MUC4: variants seen among roughly 807,000 people sequenced by gnomAD.
MUC4 encodes mucin 4, cell surface associated.
Under a neutral mutation model 257.9 loss-of-function variants are expected in MUC4, and 202 were observed. That is an observed-to-expected ratio of 0.78 (90% CI 0.70 to 0.88). The LOEUF is 0.88. Among genes scored for constraint, MUC4 ranks in the 40% least tolerant of loss-of-function variants. The probability of loss-of-function intolerance (pLI) is 0.00; values close to 1 mark genes in which losing one functional copy is unlikely to be tolerated. For synonymous variants in MUC4, 2,351 were observed against 2,757.1 expected (o/e 0.85, Z 4.62); for missense variants, 5,976 against 6,513.7 (o/e 0.92, Z 2.84).
At chr3:195,809,075 C>T (rs112223396) in intron 1 of MUC4, among the ~76,000 whole-genome samples, 8 of 152,200 alleles carry the variant, frequency 5.3e-5, no homozygotes, top group Admixed American at 2.6e-4. Context: ...GGAACCAGGA[C>T]GGCCAGGCTT....
chr3:195,789,033 G>C lies in MUC4; in HGVS notation c.2547C>G (p.Ser849=), dbSNP rs373248779. 6.2e-7 allele frequency: 1 copy of C among 1,613,836 alleles called. No homozygotes were observed. Among genetic ancestry groups the C allele is most frequent in the African/African-American group, 1.3e-5 (1 of 75,000 alleles). ...HTTQSTTELL[S]ASASHGAIPV... ...GGATGGCACCATGACTGGCTGAGGC[G>C]GACAGCAATTCGGTTGTTGACTGGG... Residue 849 remains serine (S), a synonymous_variant, in exon 2 of 25, where the codon TCC becomes TCG. Coordinates refer to ENST00000463781, the MANE Select transcript of MUC4 (RefSeq NM_018406.7).
At chr3:195,759,059 A>G in intron 17 of MUC4, 65 bp downstream of exon 17, 3 of 1,581,878 alleles carry the variant, frequency 1.9e-6, no homozygotes, top group Non-Finnish European at 2.6e-6. Context: ...GAATTTCCCA[A>G]ATTTGACTCT....
intron 7 of MUC4, 88 bp downstream of exon 7, chr3:195,768,934 C>A: frequency 3.3e-6 from 5 of 1,498,664 alleles, no homozygotes; most frequent in Non-Finnish European, 4.5e-6. Context: ...TCCCGCCTTG[C>A]CCCAGGATGG....
chr3:195,768,665 A>T (rs1722140357), intron 7 of MUC4, among the ~76,000 whole-genome samples: 1 of 152,230 alleles, frequency 6.6e-6, no homozygotes, highest in African/African-American at 2.4e-5. Context: ...TGTGATCATG[A>T]CATGCAGTAA....
At position 195,780,692 on chromosome 3, in the gene MUC4, C is replaced by A. The variant is rs1553871880; in HGVS notation, c.10888G>T (p.Ala3630Ser). 1 of 1,506,414 alleles carries A rather than the reference C, an allele frequency of 6.6e-7. No homozygotes were observed. The highest frequency in any genetic ancestry group is 2.1e-5 in the African/African-American group (1 of 47,576). 93.3% of individuals were successfully genotyped at this position (1,506,414 alleles called of 1,614,324 possible). A position where few individuals can be genotyped will look rare whatever the true frequency, so the allele number is the denominator to read the frequency against. Residue 3630 changes from alanine (A) to serine (S), a missense_variant, in exon 2 of 25, where the codon GCC (alanine) becomes TCC (serine). Ala to Ser is a moderately conservative substitution (Grantham distance 99). Coordinates refer to ENST00000463781, the MANE Select transcript of MUC4 (RefSeq NM_018406.7). ...TDTSSASTGQ[A>S]TPLPVTSLSS... Reference sequence around the variant, plus strand: ...AGGCTGGTGACAGGAAGAGGGGTGGCCTGACCTGTGGATGCTGAGGAAGTG... The same window carrying A: ...AGGCTGGTGACAGGAAGAGGGGTGGACTGACCTGTGGATGCTGAGGAAGTG...
Position 195,783,235 on chromosome 3 carries a change from G to T in MUC4, c.8345C>A (p.Ala2782Asp). ...TNTSSVSTGH[A>D]TPLHVTSPSS... ...AGGGCTGGTGACATGAAGAGGGGTG[G>T]CGTGACCTGTGGATACTGAGGAAGT... Residue 2782 changes from alanine to aspartate, a missense_variant, in exon 2 of 25, where the codon GCC becomes GAC. Around this residue, in one of 44 missense-constraint regions of MUC4, gnomAD observed 228 missense variants for 206.3 expected, o/e 1.11. Coordinates refer to ENST00000463781, the MANE Select transcript of MUC4 (RefSeq NM_018406.7). The T allele has an allele frequency of 1.5e-6, 2 of 1,362,962 alleles. No homozygotes were observed. The highest frequency in any genetic ancestry group is 1.6e-5 in the African/African-American group (1 of 63,088). 84.4% of individuals were successfully genotyped at this position (1,362,962 alleles called of 1,614,324 possible).
chr3:195,749,217 G>T (rs560746162), intron 23 of MUC4, among the ~76,000 whole-genome samples, 153 bp from the exon 24 acceptor site: 6 of 152,272 alleles, frequency 3.9e-5, no homozygotes, highest in Non-Finnish European at 8.8e-5. Context: ...GATCAGCATG[G>T]TGGATAATAG....
At position 195,789,382 on chromosome 3, in the gene MUC4, G is replaced by C; in HGVS notation, c.2198C>G (p.Ser733Cys). 1 of 1,613,894 alleles carries C rather than the reference G, an allele frequency of 6.2e-7. No homozygotes were observed. The highest frequency in any genetic ancestry group is 8.5e-7 in the Non-Finnish European group (1 of 1,179,876). ...TLGPSGGTSL[S>C]KTGALTLANS... ...GGCCAGAGTAAGGGCACCTGTTTTG[G>C]AAAGTGACGTGCCTCCTGAGGGCCC... Residue 733 changes from serine to cysteine, a missense_variant, in exon 2 of 25, where the codon TCC (serine) becomes TGC (cysteine). This residue lies in a region of MUC4 where 1,583 missense variants were observed against 1,257.4 expected (regional missense o/e 1.26). Coordinates refer to ENST00000463781, the MANE Select transcript of MUC4 (RefSeq NM_018406.7).
At chr3:195,799,260 T>TGAGAGAGA (rs144440668) in intron 1 of MUC4, among the ~76,000 whole-genome samples, 1 of 149,116 alleles carries the variant, frequency 6.7e-6, no homozygotes, top group Non-Finnish European at 1.5e-5. Flanking sequence ...TGTGTGTGTG[T>TGAGAGAGA]GACACTGTGT....
In MUC4 at chr3:195,753,098, CTG is replaced by C; in HGVS notation, c.15459_15460del (p.Asp5153GlufsTer29). 3 of 1,610,760 alleles carry C rather than the reference CTG, an allele frequency of 1.9e-6. No homozygotes were observed. The highest frequency in any genetic ancestry group is 2.5e-6 in the Non-Finnish European group (3 of 1,178,268). ...GTTGTTCCCAGCCAGGAAGCAGCGGCTGTCAGTGAAGGCTGGGGGGCAGGTGC... is the reference window on the plus strand; with the variant it reads ...GTTGTTCCCAGCCAGGAAGCAGCGGCTCAGTGAAGGCTGGGGGGCAGGTGC... On this transcript the variant is annotated frameshift_variant, in exon 20 of 25. Coordinates refer to ENST00000463781, the MANE Select transcript of MUC4 (RefSeq NM_018406.7). LOFTEE classifies it high-confidence loss of function.
At position 195,757,255 on chromosome 3, in the gene MUC4, C is replaced by A. The variant is rs1283996252; in HGVS notation, c.15060G>T (p.Lys5020Asn). ...FTLEILARSAKIGLASALQPR... is the reference protein window; with the variant it reads ...FTLEILARSANIGLASALQPR... ...GCTGGAGTGCAGATGCCAAGCCAAT[C>A]TTGGCACTTCTTGCTAGAATCTCCA... The change falls in exon 18 of 25, where the codon AAG becomes AAT. Residue 5020 changes from lysine to asparagine, a missense_variant. Physicochemically the swap from Lys to Asn is moderately conservative, Grantham distance 94. Transcript: ENST00000463781. This position sits in a 1 kb window ranked among gnomAD's most constrained non-coding sequence, Gnocchi z 4.8. The A allele has an allele frequency of 1.2e-6, 2 of 1,613,566 alleles. No homozygotes were observed. The highest frequency in any genetic ancestry group is 1.7e-6 in the Non-Finnish European group (2 of 1,179,458).
intron 16 of MUC4, among the ~76,000 whole-genome samples, chr3:195,760,515 C>T (rs1436484366): frequency 2.3e-5 from 2 of 88,548 alleles, no homozygotes; most frequent in African/African-American, 3.7e-5. Context: ...AGGCATCCAG[C>T]GCTAGGATGG....
intron 16 of MUC4, among the ~76,000 whole-genome samples, chr3:195,759,607 G>GT (rs1718358766): frequency 1.3e-5 from 2 of 152,158 alleles, no homozygotes; most frequent in South Asian, 4.1e-4. Context: ...AGACCAAAGG[G>GT]TTGTACCTTT....
intron 19 of MUC4, chr3:195,753,488 G>A (rs925401603): frequency 2.3e-5 from 12 of 517,606 alleles, no homozygotes; most frequent in South Asian, 1.1e-4. Context: ...AAAGGACCCC[G>A]AAGGCTGGCA....
Position 195,790,041 on chromosome 3 carries a change from G to GGC in MUC4, c.1537_1538dup (p.Thr514ProfsTer27). On this transcript the variant is annotated frameshift_variant, in exon 2 of 25. Transcript: ENST00000463781. LOFTEE classifies it high-confidence loss of function. ...ATGGATTTCCTGTGACAAGCCTAGT[G>GGC]GCAGCACCTGTTGATGTTGAGGGCA... is the stretch of plus-strand genomic sequence containing the variant. The GGC allele has an allele frequency of 6.2e-7, 1 of 1,614,022 alleles. No homozygotes were observed.
At chr3:195,792,180 A>G (rs1337040729) in intron 1 of MUC4, among the ~76,000 whole-genome samples, 1 of 152,240 alleles carries the variant, frequency 6.6e-6, no homozygotes, top group Non-Finnish European at 1.5e-5. Context: ...AAAAGAAACT[A>G]TCATCAGAGC....
Position 195,767,588 on chromosome 3 carries a change from C to CCAT in MUC4, c.13530-838_13530-837insATG, listed in dbSNP as rs1281872532. 2.4e-4 allele frequency among the ~76,000 whole-genome samples: 26 copies of CCAT among 109,042 alleles called. 1 individual carries two copies. Among genetic ancestry groups the CCAT allele is most frequent in the South Asian group, 5.2e-4 (2 of 3,876 alleles). 71.5% of individuals were successfully genotyped at this position (109,042 alleles called of 152,430 possible). The stretch of plus-strand genomic sequence containing the variant: ...GCCACCACCATCACCACCACCATCA[C>CCAT]CACCACCACCATCATCACCATTGCC... On this transcript the variant is annotated intron_variant, in intron 7 of 24. Coordinates refer to ENST00000463781, the MANE Select transcript of MUC4 (RefSeq NM_018406.7).
rs536112415 is a variant in MUC4, at chr3:195,755,515, A to G, written c.15169-1143T>C. The stretch of plus-strand genomic sequence containing the variant: ...AATTGACCTCCCTTGCTGACTCCCA[A>G]ACCAAGAAGACAGAGCCTCCCTGCT... On this transcript the variant is annotated intron_variant, in intron 18 of 24. Coordinates refer to ENST00000463781, the MANE Select transcript of MUC4 (RefSeq NM_018406.7). The surrounding 1 kb of genome is among the most constrained non-coding windows in gnomAD (Gnocchi z 5.0). Among the ~76,000 whole-genome samples, 1 of 152,152 alleles carries G rather than the reference A, an allele frequency of 6.6e-6. No individual in the cohort carries two copies. The highest frequency in any genetic ancestry group is 1.9e-4 in the East Asian group (1 of 5,182).
intron 23 of MUC4, chr3:195,749,864 CTCTTT>C (rs1370616802): frequency 6.6e-6 from 1 of 152,244 alleles, no homozygotes; most frequent in African/African-American, 2.4e-5. Context: ...GGTTTTTTTC[CTCTTT>C]TCTTTTTGTT....
Sources: allele counts gnomAD v4.1 joint callset (sites outside exome capture counted in the v4.1 genomes callset), GRCh38; gene constraint gnomAD v4.1.1; regional missense constraint gnomAD v4.1.1; non-coding constraint Gnocchi (gnomAD v3.1); transcripts MANE v1.5; gene names NCBI Gene and HGNC (gene_info 2026-07-23, HGNC 2026-07-21).